CLEC9A: variants seen among roughly 807,000 people sequenced by gnomAD.
The protein encoded by CLEC9A is C-type lectin domain containing 9A.
CLEC9A carries 24 observed loss-of-function variants against 30.0 expected under a neutral mutation model. The ratio of observed to expected loss-of-function variants is 0.80; its 90% CI spans 0.58 to 1.13. CLEC9A has a LOEUF of 1.13. Ranked by LOEUF, CLEC9A falls within the 50% of genes most tolerant of loss-of-function variation. CLEC9A has a pLI of 0.00. For missense variants in CLEC9A, 251 were observed against 280.9 expected (o/e 0.89, Z 0.76); for synonymous variants, 111 against 96.8 (o/e 1.15, Z -0.86).
At chr12:10,057,575 T>C (rs1293454650) in intron 5 of CLEC9A, among the ~76,000 whole-genome samples, 1 of 151,938 alleles carries the variant, frequency 6.6e-6, no homozygotes, top group Non-Finnish European at 1.5e-5. Flanking sequence ...AGAACCATTG[T>C]TATTGTTTTG....
At chr12:10,063,819 C>G (rs1030133714) in intron 7 of CLEC9A, among the ~76,000 whole-genome samples, 6 of 152,154 alleles carry the variant, frequency 3.9e-5, no homozygotes, top group African/African-American at 1.4e-4. Context: ...GCCAGCCTGG[C>G]CAACACGGTG....
intron 5 of CLEC9A, among the ~76,000 whole-genome samples, chr12:10,056,434 A>G (rs1366283386): frequency 6.6e-6 from 1 of 152,206 alleles, no homozygotes; most frequent in Non-Finnish European, 1.5e-5. Context: ...AAAAAGCAGC[A>G]TTTAAAACCT....
chr12:10,064,678 TAG>T, intron 7 of CLEC9A, 52 bp from the exon 8 acceptor site: 1 of 1,557,882 alleles, frequency 6.4e-7, no homozygotes, highest in South Asian at 1.2e-5. Context: ...TATATTTCAC[TAG>T]AGTTTTGTTT....
chr12:10,041,346 G>C (rs1182169078), intron 1 of CLEC9A, 120 bp from the exon 2 acceptor site: 1 of 243,974 alleles, frequency 4.1e-6, no homozygotes, highest in African/African-American at 2.3e-5. Context: ...TCCAACCCCT[G>C]GAGCATTTCT....
chr12:10,032,389 C>CTTTTTTTTTTTTTTTT (rs10647036), intron 1 of CLEC9A, among the ~76,000 whole-genome samples: 1 of 117,252 alleles, frequency 8.5e-6, no homozygotes, highest in Non-Finnish European at 1.7e-5. Context: ...TTAGGGATTT[C>CTTTTTTTTTTTTTTTT]TTTTTTTTTT....
chr12:10,042,830 T>G (rs957171904), intron 2 of CLEC9A, among the ~76,000 whole-genome samples: 1 of 152,224 alleles, frequency 6.6e-6, no homozygotes, highest in East Asian at 1.9e-4. Flanking sequence ...ATGTAGAGTT[T>G]TAAATCTAAG....
At chr12:10,040,085 A>C (rs543737604) in intron 1 of CLEC9A, among the ~76,000 whole-genome samples, 1 of 152,316 alleles carries the variant, frequency 6.6e-6, no homozygotes, top group East Asian at 1.9e-4. Flanking sequence ...GGCCTCTCAA[A>C]GTTCTGGGAT....
At chr12:10,058,466 G>A (rs1865962476) in intron 5 of CLEC9A, among the ~76,000 whole-genome samples, 1 of 152,150 alleles carries the variant, frequency 6.6e-6, no homozygotes, top group South Asian at 2.1e-4. Context: ...CTAGTCCATG[G>A]CTTTTGATTT....
At chr12:10,058,724 T>C (rs985200354) in intron 5 of CLEC9A, among the ~76,000 whole-genome samples, 1 of 152,052 alleles carries the variant, frequency 6.6e-6, no homozygotes, top group African/African-American at 2.4e-5. Context: ...TTTGTATTCT[T>C]AGTAGAGACA....
At chr12:10,032,389 C>CTTTTTT (rs10647036) in intron 1 of CLEC9A, among the ~76,000 whole-genome samples, 29 of 117,230 alleles carry the variant, frequency 2.5e-4, no homozygotes, top group African/African-American at 3.2e-4. Flanking sequence ...TTAGGGATTT[C>CTTTTTT]TTTTTTTTTT....
chr12:10,048,227 G>A lies in CLEC9A; in HGVS notation c.-162-3764G>A, dbSNP rs1295249614. On this transcript the variant is annotated intron_variant, in intron 2 of 8. Transcript: ENST00000355819. ...CGCAGTCCGGCCTGGGCGACAGAGCGAGACTCCGTCTCAAAAAAAAAAAAA... is the reference window on the plus strand; with the variant it reads ...CGCAGTCCGGCCTGGGCGACAGAGCAAGACTCCGTCTCAAAAAAAAAAAAA... Among the ~76,000 whole-genome samples, 13 of 143,214 alleles carry A rather than the reference G, an allele frequency of 9.1e-5. No homozygotes were observed. The East Asian group carries it at 2.1e-3, about 23-fold the overall frequency. 94.0% of individuals were successfully genotyped at this position (143,214 alleles called of 152,430 possible). A position where few individuals can be genotyped will look rare whatever the true frequency, so the allele number is the denominator to read the frequency against.
intron 1 of CLEC9A, among the ~76,000 whole-genome samples, chr12:10,037,457 C>T (rs1865753101): frequency 6.6e-6 from 1 of 152,086 alleles, no homozygotes; most frequent in South Asian, 2.1e-4. Flanking sequence ...CAGCTCAGGG[C>T]CAAGGAGGGC....
In CLEC9A at chr12:10,054,326, A is replaced by G. The variant is rs7315231; in HGVS notation, c.147A>G (p.Thr49=). The G allele has an allele frequency of 0.61, 987,677 of 1,609,728 alleles. 316,271 individuals are homozygous for G. The highest frequency in any genetic ancestry group is 0.69 in the Middle Eastern group (4,159 of 6,040). Residue 49 remains threonine (T), a synonymous_variant, in exon 5 of 9, where the codon ACA becomes ACG. Transcript: ENST00000355819. ...ISCVFCMGLL[T]ASIFLGVKLL... Reference sequence around the variant, plus strand: ...GTGTTTTCTGCATGGGATTATTAACAGCATCCATTTTCTTGGGCGTCAAGT... The same window carrying G: ...GTGTTTTCTGCATGGGATTATTAACGGCATCCATTTTCTTGGGCGTCAAGT...
intron 6 of CLEC9A, 138 bp downstream of exon 6, chr12:10,061,411 T>A: frequency 1.3e-6 from 1 of 765,688 alleles, no homozygotes; most frequent in Non-Finnish European, 2.0e-6. Context: ...TTGGTCACTC[T>A]TCAGTTCAAT....
intron 7 of CLEC9A, 121 bp from the exon 8 acceptor site, chr12:10,064,611 C>G (rs1395917388): frequency 1.9e-6 from 2 of 1,073,508 alleles, no homozygotes; most frequent in East Asian, 2.6e-5. Flanking sequence ...ACTCCCTTCT[C>G]TCCTTTTCCA....
intron 5 of CLEC9A, among the ~76,000 whole-genome samples, chr12:10,059,564 G>A (rs1315620754): frequency 1.3e-5 from 2 of 152,164 alleles, no homozygotes; most frequent in African/African-American, 4.8e-5. Flanking sequence ...AAGCTGGTAA[G>A]TTGGATGGAC....
At chr12:10,064,616 T>C in intron 7 of CLEC9A, 116 bp from the exon 8 acceptor site, 1 of 1,140,798 alleles carries the variant, frequency 8.8e-7, no homozygotes, top group Non-Finnish European at 1.2e-6. Flanking sequence ...CTTCTCTCCT[T>C]TTCCAGATTT....
chr12:10,046,331 C>T (rs1474713575), intron 2 of CLEC9A, among the ~76,000 whole-genome samples: 1 of 152,138 alleles, frequency 6.6e-6, no homozygotes, highest in Non-Finnish European at 1.5e-5. Flanking sequence ...TACACAAATA[C>T]AATTACTATT....
intron 3 of CLEC9A, 52 bp from the exon 4 acceptor site, chr12:10,052,578 G>T: frequency 6.7e-7 from 1 of 1,500,062 alleles, no homozygotes; most frequent in Non-Finnish European, 8.9e-7. Context: ...TCCCACTACT[G>T]TGAAAATGTA....
Sources: gnomAD v4.1 joint callset for allele counts (sites outside exome capture counted in the v4.1 genomes callset) on GRCh38, gnomAD v4.1.1 for gene constraint, MANE v1.5 for transcripts, NCBI Gene and HGNC (gene_info 2026-07-23, HGNC 2026-07-21) for gene names.